NMBR: variants seen among roughly 807,000 people sequenced by gnomAD.
NMBR encodes the protein neuromedin B receptor.
Under a neutral mutation model 20.5 loss-of-function variants are expected in NMBR, and 16 were observed. The observed-to-expected ratio is 0.78, with a 90% CI of 0.53 to 1.19. The LOEUF (loss-of-function observed/expected upper bound fraction) is 1.19. Ranked by LOEUF, NMBR falls within the 50% of genes most tolerant of loss-of-function variation. The pLI is 0.00. For synonymous variants in NMBR, 212 were observed against 196.6 expected, an observed-to-expected ratio of 1.08 and a Z score of -0.65; for missense variants, 582 against 499.1, an observed-to-expected ratio of 1.17 and a Z score of -1.58.
chr6:142,136,845 A>G (rs1015653956), intron 1 of NMBR, among the ~76,000 whole-genome samples: 1 of 152,098 alleles, frequency 6.6e-6, no homozygotes, highest in Non-Finnish European at 1.5e-5. Flanking sequence ...GTTCTGTTCC[A>G]TTGATCTAGA....
chr6:142,142,891 C>T (rs1778380281), intron 1 of NMBR, among the ~76,000 whole-genome samples: 1 of 151,810 alleles, frequency 6.6e-6, no homozygotes, highest in Non-Finnish European at 1.5e-5. Context: ...TTGAGATTAG[C>T]CTAGGCAATA....
chr6:142,095,167 T>A (rs1777420620), intron 1 of NMBR, among the ~76,000 whole-genome samples: 1 of 152,020 alleles, frequency 6.6e-6, no homozygotes, highest in East Asian at 1.9e-4. Context: ...CTAATTGCCC[T>A]GGCCAGAACT....
intron 2 of NMBR, among the ~76,000 whole-genome samples, chr6:142,085,742 G>T (rs1234716422): frequency 6.6e-6 from 1 of 151,854 alleles, no homozygotes; most frequent in Non-Finnish European, 1.5e-5. Flanking sequence ...ATCTTCCTGG[G>T]TTTTTTTCTA....
chr6:142,140,010 A>G (rs1425042166), intron 1 of NMBR, among the ~76,000 whole-genome samples: 7 of 152,200 alleles, frequency 4.6e-5, no homozygotes, highest in Non-Finnish European at 8.8e-5. Context: ...GTGAACAAGA[A>G]GTGGGATGCT....
At chr6:142,145,596 C>T (rs1018179269) in intron 1 of NMBR, among the ~76,000 whole-genome samples, 1 of 151,836 alleles carries the variant, frequency 6.6e-6, no homozygotes, top group Admixed American at 6.6e-5. Flanking sequence ...GCAAATGCTG[C>T]TAGCTAGTTA....
At chr6:142,111,590 C>T (rs377736519) in intron 1 of NMBR, among the ~76,000 whole-genome samples, 2 of 152,050 alleles carry the variant, frequency 1.3e-5, no homozygotes, top group Non-Finnish European at 2.9e-5. Context: ...ATCCACCCAC[C>T]GGTTTCAAAT....
At chr6:142,125,328 A>C (rs566209083) in intron 1 of NMBR, among the ~76,000 whole-genome samples, 8 of 151,916 alleles carry the variant, frequency 5.3e-5, no homozygotes, top group African/African-American at 1.9e-4. Context: ...TTCCAGATGT[A>C]AAATAAGCCA....
chr6:142,128,603 C>A (rs1288370585), intron 1 of NMBR, among the ~76,000 whole-genome samples: 1 of 151,974 alleles, frequency 6.6e-6, no homozygotes, highest in East Asian at 1.9e-4. Context: ...GTCAAATGAT[C>A]TTTCTGCATC....
chr6:142,143,974 T>C (rs1005982389), intron 1 of NMBR, among the ~76,000 whole-genome samples: 1 of 152,232 alleles, frequency 6.6e-6, no homozygotes, highest in African/African-American at 2.4e-5. Flanking sequence ...CAATTCACAT[T>C]TGTGAATACA....
chr6:142,091,642 C>T (rs1253030467), intron 1 of NMBR, among the ~76,000 whole-genome samples: 1 of 152,084 alleles, frequency 6.6e-6, no homozygotes, highest in African/African-American at 2.4e-5. Context: ...ACATGATTCA[C>T]AGAGACAAGA....
intron 1 of NMBR, among the ~76,000 whole-genome samples, chr6:142,098,247 G>A (rs904024304): frequency 6.6e-5 from 10 of 152,054 alleles, no homozygotes; most frequent in East Asian, 1.9e-4. Context: ...TGAGAAACTC[G>A]AAACTATCTT....
intron 1 of NMBR, among the ~76,000 whole-genome samples, chr6:142,116,324 T>C (rs1175275132): frequency 1.3e-5 from 2 of 151,986 alleles, no homozygotes; most frequent in Non-Finnish European, 2.9e-5. Context: ...CTCTTCAGCC[T>C]ACAGTTACTG....
chr6:142,084,897 ATG>A (rs770660440), intron 2 of NMBR, among the ~76,000 whole-genome samples: 6 of 152,162 alleles, frequency 3.9e-5, no homozygotes, highest in Non-Finnish European at 8.8e-5. Flanking sequence ...AGGTGAGAAT[ATG>A]TGTGTGTTTG....
Position 142,075,582 on chromosome 6 carries a change from G to A in NMBR, c.*66C>T. 1 of 1,452,016 alleles carries A rather than the reference G, an allele frequency of 6.9e-7. No homozygotes were observed. 89.9% of individuals were successfully genotyped at this position (1,452,016 alleles called of 1,614,324 possible). On this transcript the variant is annotated 3_prime_UTR_variant, in exon 4 of 4. Coordinates refer to ENST00000258042, the MANE Select transcript of NMBR (RefSeq NM_002511.4). ...AATTAGCTAAGCAACAGCAAGTTCT[G>A]ATCTGCCGAATAGGAATTTTAACAG... is the stretch of plus-strand genomic sequence containing the variant.
chr6:142,088,163 A>G (rs2114565914), intron 2 of NMBR, 74 bp downstream of exon 2: 1 of 1,459,796 alleles, frequency 6.9e-7, no homozygotes, highest in South Asian at 1.3e-5. Flanking sequence ...CAGTAGGTGC[A>G]CTCCGGGTGA....
At chr6:142,145,020 T>TA (rs34522158) in intron 1 of NMBR, among the ~76,000 whole-genome samples, 67,188 of 97,534 alleles carry the variant, frequency 0.69, 22,534 homozygotes, top group East Asian at 0.83. Context: ...AGAACCTGTC[T>TA]AAAAAAAAAA....
intron 2 of NMBR, among the ~76,000 whole-genome samples, chr6:142,084,782 T>C (rs570760442): frequency 5.3e-5 from 8 of 152,294 alleles, no homozygotes; most frequent in African/African-American, 1.9e-4. Context: ...GCTACTCATA[T>C]ACAGAGAAAG....
rs147625806 is a variant in NMBR at position 142,109,879 on chromosome 6, C to T, written c.-663-20558G>A. 3.8e-3 allele frequency among the ~76,000 whole-genome samples: 582 copies of T among 152,080 alleles called. 1 individual carries two copies. The highest frequency in any genetic ancestry group is 5.5e-3 in the Non-Finnish European group (375 of 68,006). On this transcript the variant is annotated intron_variant, in intron 1 of 3. Coordinates refer to ENST00000258042, the MANE Select transcript of NMBR (RefSeq NM_002511.4). ...TGCCCCTTCCCACATGTAAGGATGC[C>T]GCAAAATGGCACCATATATAGATAT...
chr6:142,087,559 A>G (rs1413770410), intron 2 of NMBR, among the ~76,000 whole-genome samples: 3 of 152,188 alleles, frequency 2.0e-5, no homozygotes, highest in Non-Finnish European at 4.4e-5. Flanking sequence ...AGAATAATGG[A>G]CACTTCACAC....
Sources: gnomAD v4.1 joint callset for allele counts (sites outside exome capture counted in the v4.1 genomes callset) on GRCh38, gnomAD v4.1.1 for gene constraint, MANE v1.5 for transcripts, NCBI Gene and HGNC (gene_info 2026-07-23, HGNC 2026-07-21) for gene names.